SULF1: variants seen among roughly 807,000 people sequenced by gnomAD.
SULF1 encodes the protein sulfatase 1, also known as extracellular sulfatase Sulf-1.
Under a neutral mutation model 110.5 loss-of-function variants are expected in SULF1, and 46 were observed. The ratio of observed to expected loss-of-function variants is 0.42; its 90% CI spans 0.33 to 0.53. The LOEUF (loss-of-function observed/expected upper bound fraction) is 0.53. Ranked by LOEUF, SULF1 falls within the 20% of genes least tolerant of loss-of-function variation. The pLI is 0.12. For synonymous variants in SULF1, 371 were observed against 387.1 expected (o/e 0.96, Z 0.49); for missense variants, 941 against 1,094.2 (o/e 0.86, Z 1.98).
chr8:69,503,770 C>T (rs940034115), intron 3 of SULF1, among the ~76,000 whole-genome samples: 11 of 152,044 alleles, frequency 7.2e-5, no homozygotes, highest in African/African-American at 2.7e-4. Flanking sequence ...TTCTCTTATG[C>T]TATGAAGAAG....
At chr8:69,536,136 T>C (rs143791639) in intron 3 of SULF1, among the ~76,000 whole-genome samples, 204 of 152,324 alleles carry the variant, frequency 1.3e-3, no homozygotes, top group African/African-American at 4.5e-3. Context: ...GTACTCTTTA[T>C]AGTATTTACG....
At chr8:69,493,680 G>T (rs1305782405) in intron 1 of SULF1, among the ~76,000 whole-genome samples, 2 of 152,118 alleles carry the variant, frequency 1.3e-5, no homozygotes, top group Non-Finnish European at 2.9e-5. Context: ...GCACTGGCTT[G>T]GGTAAACTGT....
intron 3 of SULF1, among the ~76,000 whole-genome samples, chr8:69,520,358 C>G (rs947535666): frequency 6.6e-6 from 1 of 151,946 alleles, no homozygotes; most frequent in African/African-American, 2.4e-5. Context: ...AATGAGATGT[C>G]AACTCTGTTG....
At position 69,547,541 on chromosome 8, in the gene SULF1, T is replaced by C. The variant is rs145502959; in HGVS notation, c.-133-15998T>C. ...ATCTACCTTGACTGGCGAAAATGGC[T>C]CTGTGGGGTTTGTTTTCATTTGAAA... On this transcript the variant is annotated intron_variant, in intron 3 of 22. Coordinates refer to ENST00000402687, the MANE Select transcript of SULF1 (RefSeq NM_001128205.2). Among the ~76,000 whole-genome samples, 737 of 152,292 alleles carry C rather than the reference T, an allele frequency of 4.8e-3. 2 individuals carry two copies. The highest frequency in any genetic ancestry group is 7.0e-3 in the African/African-American group (290 of 41,556).
At chr8:69,494,540 T>A (rs1285859955) in intron 1 of SULF1, among the ~76,000 whole-genome samples, 2 of 152,252 alleles carry the variant, frequency 1.3e-5, no homozygotes, top group Non-Finnish European at 2.9e-5. Flanking sequence ...AAAATAAGAT[T>A]GGATTCTAGT....
At chr8:69,525,724 A>G (rs1812612488) in intron 3 of SULF1, among the ~76,000 whole-genome samples, 1 of 152,210 alleles carries the variant, frequency 6.6e-6, no homozygotes, top group Non-Finnish European at 1.5e-5. Context: ...CATGCCTTAC[A>G]TGTGCAGGAT....
At position 69,576,288 on chromosome 8, in the gene SULF1, C is replaced by T. The variant is rs1291928096; in HGVS notation, c.412+79C>T. 18 of 1,491,144 alleles carry T rather than the reference C, an allele frequency of 1.2e-5. No homozygotes were observed. The East Asian group carries it at 4.1e-4, about 34-fold the overall frequency. 92.4% of individuals were successfully genotyped at this position (1,491,144 alleles called of 1,614,324 possible). On this transcript the variant is annotated intron_variant, in intron 6 of 22. Transcript: ENST00000402687. ...GGAAGAAGTGTCATGTAATGAAATG[C>T]ATGAAGTTCCAACAAATACCTAAAA...
exon 1 of SULF1, chr8:69,466,818 G>C (rs942456497): frequency 6.6e-6 from 1 of 152,380 alleles, no homozygotes; most frequent in African/African-American, 2.4e-5. Context: ...GGGATTAAGA[G>C]AAGGAAGGCT....
intron 3 of SULF1, among the ~76,000 whole-genome samples, chr8:69,526,290 G>A (rs914587586): frequency 2.0e-5 from 3 of 151,986 alleles, no homozygotes; most frequent in East Asian, 1.9e-4. Context: ...TCCCAAGGCC[G>A]TTAGCTGTGT....
intron 3 of SULF1, among the ~76,000 whole-genome samples, chr8:69,524,800 T>C (rs1374083596): frequency 6.6e-6 from 1 of 152,228 alleles, no homozygotes; most frequent in East Asian, 1.9e-4. Flanking sequence ...AACATGCTGC[T>C]TCTTTTTTTT....
At position 69,621,051 on chromosome 8, in the gene SULF1, A is replaced by G; in HGVS notation, c.1394A>G (p.Glu465Gly). The change falls in exon 14 of 23, where the codon GAG (glutamate) becomes GGG (glycine). Residue 465 changes from glutamate (E) to glycine (G), a missense_variant. Physicochemically the swap from Glu to Gly is moderately conservative, Grantham distance 98. Transcript: ENST00000402687. ...CTTTTGCAGAAGTGGCAATGCATTG[A>G]GGATACATCTGGCAAGCTTCGAATT... is the stretch of plus-strand genomic sequence containing the variant. ...EQPGQKWQCI[E>G]DTSGKLRIHK... The G allele has an allele frequency of 6.2e-7, 1 of 1,609,530 alleles. No homozygotes were observed. Among genetic ancestry groups the G allele is most frequent in the Non-Finnish European group, 8.5e-7 (1 of 1,176,362 alleles).
At chr8:69,544,868 A>G (rs1395510409) in intron 3 of SULF1, among the ~76,000 whole-genome samples, 1 of 152,192 alleles carries the variant, frequency 6.6e-6, no homozygotes, top group African/African-American at 2.4e-5. Flanking sequence ...TTCTGAAAAT[A>G]CTGAAATTCT....
intron 22 of SULF1, among the ~76,000 whole-genome samples, chr8:69,656,265 G>C (rs1023455164): frequency 6.6e-6 from 1 of 152,062 alleles, no homozygotes; most frequent in Non-Finnish European, 1.5e-5. Flanking sequence ...TTCTTAAGAT[G>C]GTTTTTTAAA....
At chr8:69,498,465 G>T (rs1057438791) in intron 2 of SULF1, among the ~76,000 whole-genome samples, 1 of 152,206 alleles carries the variant, frequency 6.6e-6, no homozygotes, top group Non-Finnish European at 1.5e-5. Flanking sequence ...AGTTACTGGG[G>T]CCACACTGTG....
intron 3 of SULF1, among the ~76,000 whole-genome samples, chr8:69,555,160 G>C (rs748000911): frequency 6.6e-6 from 1 of 151,644 alleles, no homozygotes; most frequent in South Asian, 2.1e-4. Flanking sequence ...TCCATAATTT[G>C]CCTTGAGCTA....
intron 1 of SULF1, among the ~76,000 whole-genome samples, chr8:69,486,603 G>C (rs538687281): frequency 2.0e-5 from 3 of 152,324 alleles, no homozygotes; most frequent in African/African-American, 7.2e-5. Context: ...GCGAGGAAGA[G>C]AAGACTGAGA....
intron 13 of SULF1, among the ~76,000 whole-genome samples, chr8:69,609,003 G>C (rs998135848): frequency 6.6e-6 from 1 of 152,178 alleles, no homozygotes; most frequent in Non-Finnish European, 1.5e-5. Flanking sequence ...TTGTTCCACA[G>C]AGAACAAAGA....
upstream of SULF1, among the ~76,000 whole-genome samples, chr8:69,489,018 G>T (rs965573369): frequency 6.6e-6 from 1 of 152,196 alleles, no homozygotes; most frequent in African/African-American, 2.4e-5. Flanking sequence ...GAATGAGCCA[G>T]GTGGGCGTCC....
intron 3 of SULF1, among the ~76,000 whole-genome samples, chr8:69,541,663 A>G (rs1226286686): frequency 6.6e-6 from 1 of 152,244 alleles, no homozygotes; most frequent in Non-Finnish European, 1.5e-5. Context: ...ACAGAAACAC[A>G]GAACCCTAAA....
Sources: allele counts gnomAD v4.1 joint callset (sites outside exome capture counted in the v4.1 genomes callset), GRCh38; gene constraint gnomAD v4.1.1; transcripts MANE v1.5; gene names NCBI Gene and HGNC (gene_info 2026-07-23, HGNC 2026-07-21).